BSX: variants seen among roughly 807,000 people sequenced by gnomAD.
BSX encodes brain specific homeobox.
Under a neutral mutation model 16.9 loss-of-function variants are expected in BSX, and 12 were observed. The ratio of observed to expected loss-of-function variants is 0.71; its 90% confidence interval spans 0.46 to 1.15. The LOEUF is 1.15. BSX is among the 50% of genes most tolerant of loss of function. The pLI, the probability that BSX is intolerant of heterozygous loss-of-function variation, is 0.00. For missense variants in BSX, 292 were observed against 311.8 expected (o/e 0.94, Z 0.48); for synonymous variants, 160 against 136.4 (o/e 1.17, Z -1.20).
chr11:122,981,825 G>A lies in BSX; in HGVS notation c.-154C>T. On this transcript the variant is annotated 5_prime_UTR_variant, in exon 1 of 3. Transcript: ENST00000343035. ...CTGGGCTACCCCGGGCGCTGGAGAG[G>A]CAAGAAGACAAGCTCCTGGGTAGGT... The A allele has an allele frequency of 1.3e-6, 1 of 752,214 alleles. No homozygotes were observed. Among genetic ancestry groups the A allele is most frequent in the Non-Finnish European group, 2.1e-6 (1 of 483,002 alleles). The allele number at this position is 752,214 out of a possible 1,614,324, so 46.6% of individuals were successfully genotyped here.
intron 2 of BSX, among the ~76,000 whole-genome samples, chr11:122,978,721 C>T (rs548147850): frequency 6.6e-6 from 1 of 150,912 alleles, no homozygotes; most frequent in African/African-American, 2.4e-5. Flanking sequence ...TCCAGAGCCC[C>T]GCTCGAGAAA....
In BSX at chr11:122,977,731, C is replaced by T. The variant is rs749585711; in HGVS notation, c.620G>A (p.Gly207Asp). 1.2e-6 allele frequency: 2 copies of T among 1,608,874 alleles called. No individual in the cohort carries two copies. Among genetic ancestry groups the T allele is most frequent in the Non-Finnish European group, 1.7e-6 (2 of 1,179,606 alleles). ...CTCTGGCTCGGTCAGCACGAAGGGA[C>T]CGGCGGGCAGGCTCAGCCGAGCCTC... Reference protein sequence around the residue: ...AAEARLSLPAGPFVLTEPEDE... With the variant: ...AAEARLSLPADPFVLTEPEDE... The change falls in exon 3 of 3, where the codon GGT (glycine) becomes GAT (aspartate). Residue 207 changes from glycine (G) to aspartate (D), a missense_variant. Coordinates refer to ENST00000343035, the MANE Select transcript of BSX (RefSeq NM_001098169.2). The surrounding 1 kb of genome is among the most constrained non-coding windows in gnomAD (Gnocchi z 4.5).
Position 122,979,407 on chromosome 11 carries a change from C to T in BSX, c.313G>A (p.Gly105Arg). The T allele has an allele frequency of 6.2e-7, 1 of 1,613,758 alleles. No individual in the cohort carries two copies. The highest frequency in any genetic ancestry group is 8.5e-7 in the Non-Finnish European group (1 of 1,179,952). ...FPHPQHAELPGKHCRRRKART... is the reference protein window; with the variant it reads ...FPHPQHAELPRKHCRRRKART... ...GCTTTGCGGCGGCGGCAGTGCTTCC[C>T]CGGCAGCTCCGCGTGCTGCGGGTGC... Residue 105 changes from glycine (G) to arginine (R), a missense_variant, in exon 2 of 3, where the codon GGG becomes AGG. This residue lies in a region of BSX where 176 missense variants were observed against 187.2 expected (regional missense o/e 0.94). Coordinates refer to ENST00000343035, the MANE Select transcript of BSX (RefSeq NM_001098169.2).
In BSX at chr11:122,981,392, G is replaced by A; in HGVS notation, c.262+18C>T. 1 of 1,505,106 alleles carries A rather than the reference G, an allele frequency of 6.6e-7. No homozygotes were observed. Among genetic ancestry groups the A allele is most frequent in the Non-Finnish European group, 8.9e-7 (1 of 1,119,752 alleles). 93.2% of individuals were successfully genotyped at this position (1,505,106 alleles called of 1,614,324 possible). ...CCTGCTCTCTCACTGCCCATACCTTGAGGTTCCTGTTACTTACCCGAGGTG... is the reference window on the plus strand; with the variant it reads ...CCTGCTCTCTCACTGCCCATACCTTAAGGTTCCTGTTACTTACCCGAGGTG... On this transcript the variant is annotated intron_variant, in intron 1 of 2. Coordinates refer to ENST00000343035, the MANE Select transcript of BSX (RefSeq NM_001098169.2).
In BSX at chr11:122,977,692, A is replaced by G. The variant is rs1442040239; in HGVS notation, c.659T>C (p.Ile220Thr). 3 of 1,612,252 alleles carry G rather than the reference A, an allele frequency of 1.9e-6. No individual in the cohort carries two copies. The highest frequency in any genetic ancestry group is 1.3e-5 in the African/African-American group (1 of 75,000). ...TGAGCCCAGCTCCCCCTCGTCTCCA[A>G]TGTCCACCTCGTCCTCTGGCTCGGT... ...VLTEPEDEVD[I>T]GDEGELGSGP... The change falls in exon 3 of 3, where the codon ATT becomes ACT. Residue 220 changes from isoleucine (I) to threonine (T), a missense_variant. Ile to Thr is a moderately conservative substitution (Grantham distance 89, BLOSUM62 -1). Coordinates refer to ENST00000343035, the MANE Select transcript of BSX (RefSeq NM_001098169.2). This position sits in a 1 kb window ranked among gnomAD's most constrained non-coding sequence, Gnocchi z 4.5.
At chr11:122,978,615 C>T (rs1271923644) in intron 2 of BSX, among the ~76,000 whole-genome samples, 2 of 151,888 alleles carry the variant, frequency 1.3e-5, no homozygotes, top group East Asian at 1.9e-4. Context: ...GACCCGGGTT[C>T]CCAGCCTGGT....
intron 2 of BSX, among the ~76,000 whole-genome samples, chr11:122,978,800 T>C (rs76719358): frequency 0.022 from 1,139 of 50,664 alleles, 16 homozygotes; most frequent in African/African-American, 0.032. Flanking sequence ...CTTTTCTTTT[T>C]TTTTTTTTTT....
At chr11:122,980,203 C>T (rs1422838074) in intron 1 of BSX, among the ~76,000 whole-genome samples, 1 of 152,134 alleles carries the variant, frequency 6.6e-6, no homozygotes, top group Non-Finnish European at 1.5e-5. Context: ...GGGGTTTTTC[C>T]ATGGCCGGGT....
chr11:122,979,709 G>C (rs75656562), intron 1 of BSX, among the ~76,000 whole-genome samples: 2,683 of 151,914 alleles, frequency 0.018, 84 homozygotes, highest in East Asian at 0.13. Flanking sequence ...ACAACAAACA[G>C]TAAATAAAAC....
At position 122,977,659 on chromosome 11, in the gene BSX, T is replaced by C; in HGVS notation, c.692A>G (p.His231Arg). 2 of 1,608,982 alleles carry C rather than the reference T, an allele frequency of 1.2e-6. No individual in the cohort carries two copies. Among genetic ancestry groups the C allele is most frequent in the Non-Finnish European group, 1.7e-6 (2 of 1,179,774 alleles). Residue 231 changes from histidine to arginine, a missense_variant, in exon 3 of 3, where the codon CAC becomes CGC. Around this residue, in one of 3 missense-constraint regions of BSX, gnomAD observed 107 missense variants for 97.1 expected, o/e 1.10. Coordinates refer to ENST00000343035, the MANE Select transcript of BSX (RefSeq NM_001098169.2). This position sits in a 1 kb window ranked among gnomAD's most constrained non-coding sequence, Gnocchi z 4.5. ...CCCCAGCCTGGCGGCTCAGAGCACG[T>C]GCGGCCCTGAGCCCAGCTCCCCCTC... ...GDEGELGSGP[H>R]VL
Position 122,981,811 on chromosome 11 carries a change from C to T in BSX, c.-140G>A, listed in dbSNP as rs1470625471. The T allele has an allele frequency of 5.5e-6, 5 of 904,776 alleles. No homozygotes were observed. In the East Asian group the frequency reaches 1.4e-4, roughly 25 times the overall value. The allele number at this position is 904,776 out of a possible 1,614,324, so 56.0% of individuals were successfully genotyped here. ...GCTCTCTCCCGGGCCTGGGCTACCC[C>T]GGGCGCTGGAGAGGCAAGAAGACAA... On this transcript the variant is annotated 5_prime_UTR_variant, in exon 1 of 3. Coordinates refer to ENST00000343035, the MANE Select transcript of BSX (RefSeq NM_001098169.2).
chr11:122,979,522 T>C, intron 1 of BSX, 65 bp from the exon 2 acceptor site: 1 of 1,368,880 alleles, frequency 7.3e-7, no homozygotes, highest in South Asian at 1.3e-5. Context: ...TCCGCTCCGC[T>C]CCCCTCCCCT....
chr11:122,979,217 G>A (rs1434128413), intron 2 of BSX, 44 bp downstream of exon 2: 1 of 1,552,462 alleles, frequency 6.4e-7, no homozygotes. Flanking sequence ...TGAAGGCAGA[G>A]AGGAACGAAG....
intron 1 of BSX, among the ~76,000 whole-genome samples, chr11:122,980,253 T>C (rs1864553412): frequency 6.9e-6 from 1 of 145,968 alleles, no homozygotes; most frequent in Admixed American, 6.7e-5. Context: ...CAGGCTTGAC[T>C]CTGTCTGAGA....
chr11:122,978,462 A>G (rs1864524153), intron 2 of BSX, among the ~76,000 whole-genome samples: 1 of 151,974 alleles, frequency 6.6e-6, no homozygotes. Flanking sequence ...CTTAAACCAT[A>G]GTGTGTGTGT....
Position 122,979,331 on chromosome 11 carries a change from T to C in BSX, c.389A>G (p.Glu130Gly). 6.2e-7 allele frequency: 1 copy of C among 1,614,110 alleles called. No individual in the cohort carries two copies. The highest frequency in any genetic ancestry group is 1.1e-5 in the South Asian group (1 of 91,088). The change falls in exon 2 of 3, where the codon GAG (glutamate) becomes GGG (glycine). Residue 130 changes from glutamate (E) to glycine (G), a missense_variant. Coordinates refer to ENST00000343035, the MANE Select transcript of BSX (RefSeq NM_001098169.2). The part of the protein sequence containing the change: ...SQLSGLEKRF[E>G]IQRYLSTPER... ...TGGCGTGGACAGGTAGCGCTGGATCTCGAACCTCTTCTCCAAGCCCGAGAG... is the reference window on the plus strand; with the variant it reads ...TGGCGTGGACAGGTAGCGCTGGATCCCGAACCTCTTCTCCAAGCCCGAGAG...
intron 1 of BSX, among the ~76,000 whole-genome samples, chr11:122,980,589 T>G (rs1864557527): frequency 6.6e-6 from 1 of 152,202 alleles, no homozygotes; most frequent in South Asian, 2.1e-4. Context: ...CTATTCTGGC[T>G]AGATTGAAAA....
rs1336507362 is a variant in BSX at position 122,981,694 on chromosome 11, G to A, written c.-23C>T. 1.9e-6 allele frequency: 3 copies of A among 1,569,284 alleles called. No homozygotes were observed. The East Asian group carries it at 6.9e-5, about 36-fold the overall frequency. ...CATCTTGAGCGGAGCACCTGCCACAGGACAAGGGCCGGGACGAAGTGGAGG... is the reference window on the plus strand; with the variant it reads ...CATCTTGAGCGGAGCACCTGCCACAAGACAAGGGCCGGGACGAAGTGGAGG... On this transcript the variant is annotated 5_prime_UTR_variant, in exon 1 of 3. Transcript: ENST00000343035.
rs991747229 is a variant in BSX, at chr11:122,977,750, G to A, written c.601C>T (p.Arg201Trp). 16 of 1,610,970 alleles carry A rather than the reference G, an allele frequency of 9.9e-6. No individual in the cohort carries two copies. Among genetic ancestry groups the A allele is most frequent in the Admixed American group, 1.7e-5 (1 of 59,950 alleles). ...GSEAATAAEA[R>W]LSLPAGPFVL... ...AAGGGACCGGCGGGCAGGCTCAGCC[G>A]AGCCTCGGCGGCGGTGGCGGCCTCT... The change falls in exon 3 of 3, where the codon CGG (arginine) becomes TGG (tryptophan). Residue 201 changes from arginine (R) to tryptophan (W), a missense_variant. Transcript: ENST00000343035. The surrounding 1 kb of genome is among the most constrained non-coding windows in gnomAD (Gnocchi z 4.5).
Sources: allele counts gnomAD v4.1 joint callset (sites outside exome capture counted in the v4.1 genomes callset), GRCh38; gene constraint gnomAD v4.1.1; regional missense constraint gnomAD v4.1.1; non-coding constraint Gnocchi (gnomAD v3.1); transcripts MANE v1.5; gene names NCBI Gene and HGNC (gene_info 2026-07-23, HGNC 2026-07-21).